ATXN7L1: variants seen among roughly 807,000 people sequenced by gnomAD.
The protein encoded by ATXN7L1 is ataxin-7-like protein 1.
ATXN7L1 carries 15 observed loss-of-function variants against 70.8 expected under a neutral mutation model. The ratio of observed to expected loss-of-function variants is 0.21; its 90% CI spans 0.14 to 0.33. The LOEUF is 0.33. Among genes scored for constraint, ATXN7L1 ranks in the 10% least tolerant of loss-of-function variants. The pLI is 1.00. For missense variants in ATXN7L1, 975 were observed against 1,097.1 expected (o/e 0.89, Z 1.57); for synonymous variants, 440 against 445.1 (o/e 0.99, Z 0.14).
At chr7:105,807,935 T>C (rs1281334644) in intron 2 of ATXN7L1, among the ~76,000 whole-genome samples, 1 of 152,246 alleles carries the variant, frequency 6.6e-6, no homozygotes, top group Non-Finnish European at 1.5e-5. Flanking sequence ...CAGCAAAAGC[T>C]AGCTAACTGA....
chr7:105,619,439 G>A (rs1193787698), intron 9 of ATXN7L1, among the ~76,000 whole-genome samples: 6 of 137,034 alleles, frequency 4.4e-5, no homozygotes, highest in South Asian at 2.4e-4. Flanking sequence ...GTGAGCCACC[G>A]TGCCTGGCTG....
chr7:105,658,325 C>T (rs1207473327), intron 4 of ATXN7L1, among the ~76,000 whole-genome samples: 1 of 151,992 alleles, frequency 6.6e-6, no homozygotes, highest in Admixed American at 6.6e-5. Flanking sequence ...TGAACCTAAG[C>T]TGTATGGTAT....
At chr7:105,610,790 G>A (rs139306373) in intron 10 of ATXN7L1, among the ~76,000 whole-genome samples, 187 bp from the exon 11 acceptor site, 141 of 152,332 alleles carry the variant, frequency 9.3e-4, no homozygotes, top group African/African-American at 3.2e-3. Flanking sequence ...GTGCCTTGAG[G>A]GATGCCCTCT....
intron 3 of ATXN7L1, among the ~76,000 whole-genome samples, chr7:105,753,670 T>C (rs1168057140): frequency 6.6e-6 from 1 of 152,214 alleles, no homozygotes; most frequent in Admixed American, 6.5e-5. Context: ...AACCACCCAT[T>C]CTACACTCTG....
rs1375067890 is a variant in ATXN7L1 at position 105,733,951 on chromosome 7, TCCA to T, written c.355+54650_355+54652del. Among the ~76,000 whole-genome samples, 1,099 of 150,034 alleles carry T rather than the reference TCCA, an allele frequency of 7.3e-3. 32 individuals are homozygous for T. The highest frequency in any genetic ancestry group is 0.026 in the African/African-American group (1,058 of 40,810). ...CATCCATCATCCATCCATCCATCCATCCATCCATCCATCCATCCATCCATCCAT... is the reference window on the plus strand; with the variant it reads ...CATCCATCATCCATCCATCCATCCATTCCATCCATCCATCCATCCATCCAT... On this transcript the variant is annotated intron_variant, in intron 3 of 11. Transcript: ENST00000419735.
intron 2 of ATXN7L1, among the ~76,000 whole-genome samples, chr7:105,861,051 AG>A (rs1816561391): frequency 6.6e-6 from 1 of 151,992 alleles, no homozygotes; most frequent in Admixed American, 6.5e-5. Context: ...TTCCTTAGAA[AG>A]TATGGCTGGC....
At chr7:105,659,837 C>A (rs1801304743) in intron 4 of ATXN7L1, among the ~76,000 whole-genome samples, 1 of 152,122 alleles carries the variant, frequency 6.6e-6, no homozygotes, top group South Asian at 2.1e-4. Context: ...TATCTCTTGA[C>A]CCCTGGTTCC....
intron 4 of ATXN7L1, among the ~76,000 whole-genome samples, chr7:105,664,665 G>GT (rs1340817546): frequency 2.6e-5 from 4 of 151,066 alleles, no homozygotes; most frequent in Non-Finnish European, 5.9e-5. Context: ...CGCCTCCCGG[G>GT]TTCAAGCAAT....
At chr7:105,784,118 T>C (rs1234024322) in intron 3 of ATXN7L1, among the ~76,000 whole-genome samples, 2 of 152,152 alleles carry the variant, frequency 1.3e-5, no homozygotes, top group African/African-American at 4.8e-5. Context: ...CATGCCAACA[T>C]GCCTGGCTAA....
rs575115077 is a variant in ATXN7L1 at position 105,702,556 on chromosome 7, A to G, written c.356-37268T>C. Among the ~76,000 whole-genome samples, 713 of 150,954 alleles carry G rather than the reference A, an allele frequency of 4.7e-3. 3 individuals are homozygous for G. The highest frequency in any genetic ancestry group is 0.017 in the African/African-American group (693 of 40,340). On this transcript the variant is annotated intron_variant, in intron 3 of 11. Coordinates refer to ENST00000419735, the MANE Select transcript of ATXN7L1 (RefSeq NM_020725.2). Reference sequence around the variant, plus strand: ...ACACACAGACCCACAACACACACACACACACACAGACACACATACACACAC... The same window carrying G: ...ACACACAGACCCACAACACACACACGCACACACAGACACACATACACACAC...
chr7:105,702,729 C>T (rs1792616560), intron 3 of ATXN7L1, among the ~76,000 whole-genome samples: 1 of 152,206 alleles, frequency 6.6e-6, no homozygotes, highest in Non-Finnish European at 1.5e-5. Context: ...CCTGTAATCC[C>T]AGCACGTTGG....
At chr7:105,658,753 C>T (rs577365022) in intron 4 of ATXN7L1, among the ~76,000 whole-genome samples, 109 of 152,104 alleles carry the variant, frequency 7.2e-4, no homozygotes, top group East Asian at 6.2e-3. Context: ...AGGCTGGTCT[C>T]GAACTCTTGA....
chr7:105,646,545 G>T (rs2115952125), intron 4 of ATXN7L1, among the ~76,000 whole-genome samples: 1 of 152,212 alleles, frequency 6.6e-6, no homozygotes, highest in Middle Eastern at 3.4e-3. Context: ...AGCCTCCCAA[G>T]TAACTGGGAT....
intron 2 of ATXN7L1, among the ~76,000 whole-genome samples, chr7:105,816,931 G>C (rs6965296): frequency 0.15 from 22,923 of 152,216 alleles, 1,846 homozygotes; most frequent in Middle Eastern, 0.22. Flanking sequence ...GGTTCATGGT[G>C]AAAGTCAGTC....
intron 2 of ATXN7L1, among the ~76,000 whole-genome samples, chr7:105,839,387 T>G (rs2116606481): frequency 6.6e-6 from 1 of 152,334 alleles, no homozygotes; most frequent in East Asian, 1.9e-4. Context: ...CACTCTTTAC[T>G]GCCTTCACTC....
At chr7:105,789,610 A>C (rs1354902386) in intron 2 of ATXN7L1, among the ~76,000 whole-genome samples, 1 of 152,124 alleles carries the variant, frequency 6.6e-6, no homozygotes, top group Non-Finnish European at 1.5e-5. Flanking sequence ...GCTGAAGCCA[A>C]GGAAGGAGGC....
chr7:105,790,766 C>T (rs117092984), intron 2 of ATXN7L1, among the ~76,000 whole-genome samples: 2,036 of 151,508 alleles, frequency 0.013, 19 homozygotes, highest in Non-Finnish European at 0.021. Flanking sequence ...ACATCTTGTG[C>T]ACCATCGGGT....
At chr7:105,837,318 ACTT>A (rs1812535952) in intron 2 of ATXN7L1, among the ~76,000 whole-genome samples, 1 of 152,070 alleles carries the variant, frequency 6.6e-6, no homozygotes, top group Non-Finnish European at 1.5e-5. Context: ...ATTCCTTCCT[ACTT>A]CTTTGAATCT....
At chr7:105,698,122 C>T (rs908245856) in intron 3 of ATXN7L1, among the ~76,000 whole-genome samples, 2 of 152,084 alleles carry the variant, frequency 1.3e-5, no homozygotes, top group African/African-American at 4.8e-5. Flanking sequence ...GGCTTCAATG[C>T]TTGGGCTCTA....
Sources: gnomAD v4.1 joint callset for allele counts (sites outside exome capture counted in the v4.1 genomes callset) on GRCh38, gnomAD v4.1.1 for gene constraint, MANE v1.5 for transcripts, NCBI Gene and HGNC (gene_info 2026-07-23, HGNC 2026-07-21) for gene names.